The following GALNT14 variants were observed in gnomAD, a reference collection of about 807,000 sequenced individuals.
GALNT14 encodes the protein polypeptide N-acetylgalactosaminyltransferase 14.
In GALNT14, 60 loss-of-function variants were observed where a neutral mutation model predicts 77.5. The ratio of observed to expected loss-of-function variants is 0.77; its 90% CI spans 0.63 to 0.96. GALNT14 has a LOEUF of 0.96. Among genes scored for constraint, GALNT14 ranks in the 40% least tolerant of loss-of-function variants. GALNT14 has a pLI of 0.00. For synonymous variants in GALNT14, 280 were observed against 281.7 expected, an observed-to-expected ratio of 0.99 and a Z score of 0.06; for missense variants, 710 against 731.0, an observed-to-expected ratio of 0.97 and a Z score of 0.33.
intron 1 of GALNT14, among the ~76,000 whole-genome samples, chr2:31,130,287 G>A (rs1373393645): frequency 1.3e-5 from 2 of 152,190 alleles, no homozygotes; most frequent in African/African-American, 4.8e-5. Context: ...CTTCCTTCAG[G>A]AAAGAACTAG....
At chr2:31,087,978 G>A (rs555394807) in intron 1 of GALNT14, among the ~76,000 whole-genome samples, 12 of 152,272 alleles carry the variant, frequency 7.9e-5, no homozygotes, top group Middle Eastern at 3.4e-3. Flanking sequence ...CAATGATAGC[G>A]GTCTATGAAC....
At position 30,959,776 on chromosome 2, in the gene GALNT14, T is replaced by G. The variant is rs115727873; in HGVS notation, c.399-1312A>C. On this transcript the variant is annotated intron_variant, in intron 3 of 14. Coordinates refer to ENST00000349752, the MANE Select transcript of GALNT14 (RefSeq NM_024572.4). Reference sequence around the variant, plus strand: ...TGTGGATCTCTATCCAGGGGCAAGGTTAACTCTGTGTCTTAGGTCTGACTG... The same window carrying G: ...TGTGGATCTCTATCCAGGGGCAAGGGTAACTCTGTGTCTTAGGTCTGACTG... 4.3e-3 allele frequency among the ~76,000 whole-genome samples: 655 copies of G among 152,266 alleles called. 4 individuals carry two copies. Among genetic ancestry groups the G allele is most frequent in the African/African-American group, 0.015 (619 of 41,546 alleles).
intron 1 of GALNT14, among the ~76,000 whole-genome samples, chr2:31,019,189 G>T (rs774032427): frequency 1.3e-5 from 2 of 152,158 alleles, no homozygotes; most frequent in Admixed American, 1.3e-4. Context: ...AAGCCCCAGA[G>T]TAGGCAACTC....
chr2:31,056,005 A>T (rs1380787630), intron 1 of GALNT14, among the ~76,000 whole-genome samples: 2 of 152,232 alleles, frequency 1.3e-5, no homozygotes, highest in African/African-American at 4.8e-5. Flanking sequence ...TTAAAACTTC[A>T]AACTTCGAGT....
chr2:31,055,510 G>T (rs1259201389), intron 1 of GALNT14, among the ~76,000 whole-genome samples: 1 of 152,110 alleles, frequency 6.6e-6, no homozygotes, highest in Non-Finnish European at 1.5e-5. Context: ...GAGGCCAAAG[G>T]GGCTGTTATG....
chr2:31,052,876 C>A (rs936081745), intron 1 of GALNT14, among the ~76,000 whole-genome samples: 22 of 152,236 alleles, frequency 1.4e-4, no homozygotes, highest in African/African-American at 5.3e-4. Flanking sequence ...TCTCTGAAAC[C>A]GAAATAGAAC....
At chr2:30,933,260 G>A (rs935015391) in intron 9 of GALNT14, among the ~76,000 whole-genome samples, 3 of 152,122 alleles carry the variant, frequency 2.0e-5, no homozygotes, top group Non-Finnish European at 2.9e-5. Context: ...GCATCCCACT[G>A]GGCCTGTCAC....
rs542883660 is a variant in GALNT14 at position 31,093,458 on chromosome 2, C to T, written c.129+44500G>A. Among the ~76,000 whole-genome samples, 22 of 152,328 alleles carry T rather than the reference C, an allele frequency of 1.4e-4. No individual in the cohort carries two copies. The South Asian group carries it at 4.3e-3, about 30-fold the overall frequency. On this transcript the variant is annotated intron_variant, in intron 1 of 14. Coordinates refer to ENST00000349752, the MANE Select transcript of GALNT14 (RefSeq NM_024572.4). ...TGACAACCTGGCCAGTGTCCTCAGT[C>T]TCTTCCAGCCTTGGGAATCTAAGGT... is the stretch of plus-strand genomic sequence containing the variant.
chr2:31,017,261 C>T (rs1671426825), intron 1 of GALNT14, among the ~76,000 whole-genome samples: 1 of 152,228 alleles, frequency 6.6e-6, no homozygotes, highest in South Asian at 2.1e-4. Flanking sequence ...TTCCTGTAAG[C>T]CATCAGGCCT....
intron 13 of GALNT14, 81 bp from the exon 14 acceptor site, chr2:30,912,423 G>A: frequency 6.6e-7 from 1 of 1,508,868 alleles, no homozygotes; most frequent in Non-Finnish European, 9.0e-7. Flanking sequence ...TTACGGGTGT[G>A]ATTAGCACAG....
downstream of GALNT14, among the ~76,000 whole-genome samples, chr2:30,909,615 C>T (rs979437853): frequency 5.3e-5 from 8 of 151,558 alleles, no homozygotes; most frequent in Non-Finnish European, 1.0e-4. Flanking sequence ...GTTGGTGGGA[C>T]TGTAAACTAG....
intron 1 of GALNT14, among the ~76,000 whole-genome samples, chr2:31,074,668 G>A (rs1389422314): frequency 6.6e-6 from 1 of 152,140 alleles, no homozygotes; most frequent in Non-Finnish European, 1.5e-5. Flanking sequence ...TTCTAAGAGG[G>A]AGACATAGAG....
the GALNT14 span, among the ~76,000 whole-genome samples, chr2:30,889,605 T>C: frequency 0.37 from 56,379 of 152,156 alleles, 12,224 homozygotes; most frequent in African/African-American, 0.6. Flanking sequence ...CTCTCCATTT[T>C]ACAGAGGTGT....
At chr2:31,125,362 A>T in intron 1 of GALNT14, 1 of 799,810 alleles carries the variant, frequency 1.3e-6, no homozygotes, top group Non-Finnish European at 2.1e-6. Flanking sequence ...TGCCCATAGG[A>T]AAGATCTGGA....
Position 30,966,205 on chromosome 2 carries a change from T to C in GALNT14, c.397A>G (p.Ser133Gly). The change falls in exon 3 of 15, where the codon AGT becomes GGT. Residue 133 changes from serine to glycine, a missense_variant and splice_region_variant. Transcript: ENST00000349752. The stretch of plus-strand genomic sequence containing the variant: ...AACAGACAAGCAAGGATGCCTCACC[T>C]GCGGATGGTCCTGAGCAGCGTGGAG... ...ARSTLLRTIR[S>G]VLNRTPTHLI... 6.2e-7 allele frequency: 1 copy of C among 1,613,566 alleles called. No individual in the cohort carries two copies. Among genetic ancestry groups the C allele is most frequent in the Non-Finnish European group, 8.5e-7 (1 of 1,179,554 alleles).
intron 11 of GALNT14, among the ~76,000 whole-genome samples, chr2:30,928,963 T>A (rs966644895): frequency 1.3e-5 from 2 of 152,174 alleles, no homozygotes; most frequent in African/African-American, 2.4e-5. Context: ...TCTCCTCCCA[T>A]GAAACTTGAG....
intron 6 of GALNT14, among the ~76,000 whole-genome samples, chr2:30,954,214 G>C (rs1667219023): frequency 6.6e-6 from 1 of 152,196 alleles, no homozygotes; most frequent in South Asian, 2.1e-4. Flanking sequence ...GGCATGTCCA[G>C]GGACAAGGGG....
intron 1 of GALNT14, among the ~76,000 whole-genome samples, chr2:31,003,704 A>C (rs1346867334): frequency 6.6e-6 from 1 of 152,226 alleles, no homozygotes; most frequent in Non-Finnish European, 1.5e-5. Context: ...GGAAGAAGAA[A>C]AGTTCCAATA....
chr2:30,916,275 G>A (rs2148208152), intron 13 of GALNT14, among the ~76,000 whole-genome samples: 1 of 152,304 alleles, frequency 6.6e-6, no homozygotes, highest in South Asian at 2.1e-4. Flanking sequence ...GTAATTTTGA[G>A]TTGGTCTGGT....
Sources: allele counts gnomAD v4.1 joint callset (sites outside exome capture counted in the v4.1 genomes callset), GRCh38; gene constraint gnomAD v4.1.1; transcripts MANE v1.5; gene names NCBI Gene and HGNC (gene_info 2026-07-23, HGNC 2026-07-21).